Variants in PCDH15 observed in about 807,000 individuals in gnomAD.
PCDH15 encodes the protein protocadherin related 15.
A neutral mutation model predicts 178.5 loss-of-function variants in PCDH15; 129 were observed. The ratio of observed to expected loss-of-function variants is 0.72; its 90% CI spans 0.63 to 0.84. PCDH15 has a LOEUF of 0.84. Ranked by LOEUF, PCDH15 falls within the 40% of genes least tolerant of loss-of-function variation. PCDH15 has a pLI of 0.00. For synonymous variants in PCDH15, 800 were observed against 732.0 expected (o/e 1.09, Z -1.50); for missense variants, 2,230 against 2,099.9 (o/e 1.06, Z -1.21).
chr10:55,312,097 T>C (rs1843598823), intron 1 of PCDH15, among the ~76,000 whole-genome samples: 1 of 152,162 alleles, frequency 6.6e-6, no homozygotes, highest in African/African-American at 2.4e-5. Flanking sequence ...ACTTTTGTAT[T>C]AATTGTGTTT....
intron 18 of PCDH15, 112 bp downstream of exon 18, chr10:54,066,645 G>A: frequency 1.9e-6 from 2 of 1,042,574 alleles, no homozygotes; most frequent in South Asian, 1.4e-5. Context: ...AGAATATCCA[G>A]CACAGTCATT....
At chr10:53,810,454 G>A in intron 37 of PCDH15, 102 bp downstream of exon 37, 1 of 1,050,422 alleles carries the variant, frequency 9.5e-7, no homozygotes. Context: ...CTAAGTGAAA[G>A]GAATTTCTAA....
intron 3 of PCDH15, among the ~76,000 whole-genome samples, chr10:54,436,146 A>AAGGAAGGAAGG (rs1565271919): frequency 4.1e-5 from 6 of 147,656 alleles, no homozygotes; most frequent in African/African-American, 1.5e-4. Context: ...AGAAAGAAAG[A>AAGGAAGGAAGG]AAGGAAGGAA....
rs41274624 is a variant in PCDH15 at position 53,823,578 on chromosome 10, A to G, written c.4368-3348T>C. 5.2e-3 allele frequency: 3,234 copies of G among 624,172 alleles called. 13 individuals are homozygous for G. Among genetic ancestry groups the G allele is most frequent in the Non-Finnish European group, 7.9e-3 (2,670 of 340,002 alleles). 38.7% of individuals were successfully genotyped at this position (624,172 alleles called of 1,614,324 possible). A position where few individuals can be genotyped will look rare whatever the true frequency, so the allele number is the denominator to read the frequency against. ...GTGAGAAGAATGAGAAATGTAAATG[A>G]AAAAAAAAGTACTCATCTCTAGATT... On this transcript the variant is annotated intron_variant, in intron 32 of 37. Transcript: ENST00000644397.
chr10:54,571,819 A>T (rs1382070678), intron 2 of PCDH15, among the ~76,000 whole-genome samples: 1 of 151,994 alleles, frequency 6.6e-6, no homozygotes, highest in Middle Eastern at 3.2e-3. Context: ...TTAGACAGAA[A>T]CTCTTAGGCT....
chr10:55,462,570 A>C (rs1290188449), intron 2 of PCDH15, among the ~76,000 whole-genome samples: 1 of 151,324 alleles, frequency 6.6e-6, no homozygotes, highest in African/African-American at 2.5e-5. Context: ...GTTGCTAAAC[A>C]GTATGAATCC....
At chr10:54,192,519 G>A (rs969992522) in intron 11 of PCDH15, among the ~76,000 whole-genome samples, 1 of 152,144 alleles carries the variant, frequency 6.6e-6, no homozygotes, top group Non-Finnish European at 1.5e-5. Flanking sequence ...TAGGATTCTA[G>A]GTTGCATAGC....
chr10:53,901,015 C>T (rs2082300667), intron 26 of PCDH15, among the ~76,000 whole-genome samples: 1 of 152,116 alleles, frequency 6.6e-6, no homozygotes, highest in Non-Finnish European at 1.5e-5. Flanking sequence ...GTCAACGATC[C>T]TCTTTTATCA....
intron 21 of PCDH15, among the ~76,000 whole-genome samples, chr10:53,987,587 A>C (rs551093412): frequency 6.6e-6 from 1 of 152,352 alleles, no homozygotes; most frequent in South Asian, 2.1e-4. Context: ...ATAAACTTAC[A>C]GAGTTAAAAA....
At chr10:54,994,153 C>A (rs1839578065) in intron 2 of PCDH15, among the ~76,000 whole-genome samples, 1 of 151,954 alleles carries the variant, frequency 6.6e-6, no homozygotes, top group Admixed American at 6.6e-5. Context: ...TGATGTTTTC[C>A]CTTTACTCAT....
At chr10:55,585,739 G>C (rs1006051178) in intron 2 of PCDH15, among the ~76,000 whole-genome samples, 1 of 151,940 alleles carries the variant, frequency 6.6e-6, no homozygotes, top group Middle Eastern at 3.2e-3. Context: ...GTATATGTGT[G>C]TGTATATATA....
At chr10:54,117,038 C>T (rs184239717) in intron 15 of PCDH15, among the ~76,000 whole-genome samples, 4 of 152,114 alleles carry the variant, frequency 2.6e-5, no homozygotes, top group African/African-American at 9.7e-5. Context: ...GAAACTTCTG[C>T]GGCCAATGGC....
At chr10:54,622,230 A>G (rs2093374565) in intron 2 of PCDH15, among the ~76,000 whole-genome samples, 1 of 151,596 alleles carries the variant, frequency 6.6e-6, no homozygotes, top group Non-Finnish European at 1.5e-5. Flanking sequence ...TTGATGCTCT[A>G]TGTATCTACC....
intron 2 of PCDH15, among the ~76,000 whole-genome samples, chr10:55,505,177 G>A (rs1840735029): frequency 6.6e-6 from 1 of 151,346 alleles, no homozygotes; most frequent in African/African-American, 2.4e-5. Context: ...TACTGCAGTA[G>A]AAGGTTTATA....
intron 1 of PCDH15, among the ~76,000 whole-genome samples, chr10:54,746,615 A>G (rs938566237): frequency 2.0e-5 from 3 of 152,222 alleles, no homozygotes; most frequent in Non-Finnish European, 4.4e-5. Context: ...ATCCACAAAA[A>G]TTAAAAATTA....
chr10:54,786,511 A>G (rs183414088), intron 1 of PCDH15, among the ~76,000 whole-genome samples: 1 of 152,186 alleles, frequency 6.6e-6, no homozygotes, highest in Admixed American at 6.6e-5. Flanking sequence ...TCAAAGACAT[A>G]AAGTACAGAT....
Position 55,331,088 on chromosome 10 carries a change from C to T in PCDH15, c.-155-164437G>A, listed in dbSNP as rs1247097113. 2.6e-5 allele frequency among the ~76,000 whole-genome samples: 4 copies of T among 151,846 alleles called. 1 individual carries two copies. The highest frequency in any genetic ancestry group is 4.4e-5 in the Non-Finnish European group (3 of 67,876). On this transcript the variant is annotated intron_variant, in intron 2 of 5. Coordinates refer to the PCDH15 transcript ENST00000613346. ...TTCTCTTCTCAAGAGGGAAATGATG[C>T]TAACAACAATGGTAACAAGGCTTTT...
At chr10:55,159,442 C>T (rs982943472) in intron 2 of PCDH15, among the ~76,000 whole-genome samples, 1 of 139,406 alleles carries the variant, frequency 7.2e-6, no homozygotes, top group African/African-American at 2.6e-5. Context: ...TCTACCTATA[C>T]ATACACTATA....
chr10:54,323,042 TA>T (rs1290145703), intron 7 of PCDH15, among the ~76,000 whole-genome samples: 6 of 151,890 alleles, frequency 4.0e-5, no homozygotes, highest in Admixed American at 3.9e-4. Flanking sequence ...CCCATTAAAA[TA>T]GGGGCAAGGG....
Sources: allele counts gnomAD v4.1 joint callset (sites outside exome capture counted in the v4.1 genomes callset), GRCh38; gene constraint gnomAD v4.1.1; transcripts MANE v1.5; gene names NCBI Gene and HGNC (gene_info 2026-07-23, HGNC 2026-07-21).